Variants in ATPAF1 observed in about 807,000 individuals in gnomAD.
ATPAF1 encodes ATP synthase mitochondrial F1 complex assembly factor 1.
Under a neutral mutation model 43.9 loss-of-function variants are expected in ATPAF1, and 26 were observed. The ratio of observed to expected loss-of-function variants is 0.59; its 90% CI spans 0.43 to 0.82. The LOEUF is 0.82. Among genes scored for constraint, ATPAF1 ranks in the 40% least tolerant of loss-of-function variants. The pLI is 0.00. For synonymous variants in ATPAF1, 157 were observed against 168.0 expected, an observed-to-expected ratio of 0.93 and a Z score of 0.50; for missense variants, 366 against 435.0, an observed-to-expected ratio of 0.84 and a Z score of 1.41.
At chr1:46,640,491 T>G (rs1171439254) in intron 8 of ATPAF1, among the ~76,000 whole-genome samples, 1 of 152,112 alleles carries the variant, frequency 6.6e-6, no homozygotes. Flanking sequence ...ATGCCTGTAA[T>G]CTCAGCTACT....
chr1:46,665,769 C>T (rs1676480278), intron 1 of ATPAF1: 3 of 1,505,910 alleles, frequency 2.0e-6, no homozygotes, highest in Admixed American at 4.4e-5. Context: ...AAAATATGTC[C>T]CCCCAACCAG....
intron 2 of ATPAF1, chr1:46,663,933 A>G (rs1676444560): frequency 7.9e-7 from 1 of 1,273,556 alleles, no homozygotes; most frequent in Non-Finnish European, 1.0e-6. Context: ...CCTAGGTTAG[A>G]ATTTTTCAAA....
intron 4 of ATPAF1, among the ~76,000 whole-genome samples, chr1:46,654,527 AT>A (rs375698724): frequency 2.0e-3 from 170 of 85,182 alleles, no homozygotes; most frequent in African/African-American, 5.4e-3. Flanking sequence ...TTATTTATTT[AT>A]TTATTATTAT....
intron 4 of ATPAF1, among the ~76,000 whole-genome samples, chr1:46,655,722 C>G (rs895885265): frequency 6.6e-6 from 1 of 152,126 alleles, no homozygotes; most frequent in African/African-American, 2.4e-5. Context: ...AAGCCTCTCT[C>G]TCCTACCTCT....
rs1675978603 is a variant in ATPAF1 at position 46,643,136 on chromosome 1, G to C, written c.792+58C>G. The C allele has an allele frequency of 8.1e-6, 11 of 1,352,342 alleles. No homozygotes were observed. In the South Asian group the frequency reaches 1.3e-4, roughly 16 times the overall value. The allele number at this position is 1,352,342 out of a possible 1,614,324, so 83.8% of individuals were successfully genotyped here. Reference sequence around the variant, plus strand: ...TTCTCTCTCATGAGCTTTGGCAGAAGAGTAATACCTTCAGTGCCATGAGGT... The same window carrying C: ...TTCTCTCTCATGAGCTTTGGCAGAACAGTAATACCTTCAGTGCCATGAGGT... On this transcript the variant is annotated intron_variant, in intron 8 of 8. Coordinates refer to ENST00000574428, the Ensembl canonical transcript of ATPAF1.
intron 6 of ATPAF1, 157 bp downstream of exon 6, chr1:46,652,424 C>T: frequency 1.6e-6 from 1 of 622,494 alleles, no homozygotes. Context: ...GTAAACAGAG[C>T]ACTATAACTT....
At chr1:46,657,225 T>C (rs1176345359) in intron 4 of ATPAF1, among the ~76,000 whole-genome samples, 2 of 152,222 alleles carry the variant, frequency 1.3e-5, no homozygotes, top group African/African-American at 4.8e-5. Flanking sequence ...AGTATGCTGC[T>C]TTTATTATTA....
chr1:46,656,591 T>C (rs1676278019), intron 4 of ATPAF1, among the ~76,000 whole-genome samples: 1 of 152,244 alleles, frequency 6.6e-6, no homozygotes, highest in Non-Finnish European at 1.5e-5. Context: ...AGTTTATGAA[T>C]CAAAACTGAA....
chr1:46,663,031 T>C (rs758339944), intron 2 of ATPAF1, among the ~76,000 whole-genome samples: 14 of 151,730 alleles, frequency 9.2e-5, no homozygotes, highest in Non-Finnish European at 1.8e-4. Flanking sequence ...GAACATGCAG[T>C]GTTTGGTTTT....
chr1:46,635,863 C>T (rs1430419908), exon 9 of ATPAF1: 1 of 1,614,250 alleles, frequency 6.2e-7, no homozygotes, highest in Admixed American at 1.7e-5. Context: ...TATATTTGAA[C>T]TCATTTGGTC....
downstream of ATPAF1, chr1:46,633,469 A>T: frequency 3.1e-6 from 1 of 320,752 alleles, no homozygotes; most frequent in Non-Finnish European, 5.9e-6. Context: ...AACAGTATAG[A>T]GCTAATGAAT....
At chr1:46,651,153 C>T (rs1305484215) in intron 6 of ATPAF1, among the ~76,000 whole-genome samples, 3 of 151,964 alleles carry the variant, frequency 2.0e-5, no homozygotes, top group Non-Finnish European at 4.4e-5. Flanking sequence ...TCCCCACTCC[C>T]CCCACCCCAC....
intron 8 of ATPAF1, among the ~76,000 whole-genome samples, chr1:46,642,370 T>TG (rs760770240): frequency 6.6e-6 from 1 of 152,146 alleles, no homozygotes; most frequent in Non-Finnish European, 1.5e-5. Context: ...GTCCACTGTT[T>TG]GGGGACATTC....
chr1:46,648,716 G>A (rs975686924), intron 6 of ATPAF1, among the ~76,000 whole-genome samples: 1 of 151,994 alleles, frequency 6.6e-6, no homozygotes, highest in Non-Finnish European at 1.5e-5. Context: ...GGTGGCTCAT[G>A]CCTGTAATCT....
At chr1:46,665,526 G>C (rs1259221916) in intron 1 of ATPAF1, 162 bp from the exon 2 acceptor site, 5 of 1,213,562 alleles carry the variant, frequency 4.1e-6, no homozygotes, top group Non-Finnish European at 5.8e-6. Context: ...TAGAAATAAA[G>C]AAACTGGAAA....
intron 6 of ATPAF1, among the ~76,000 whole-genome samples, chr1:46,650,277 A>G (rs547090474): frequency 4.9e-4 from 74 of 151,826 alleles, no homozygotes; most frequent in African/African-American, 1.7e-3. Flanking sequence ...TAATCCCAGC[A>G]CTTCGGGAGT....
intron 4 of ATPAF1, among the ~76,000 whole-genome samples, chr1:46,656,410 A>G (rs1676274608): frequency 6.6e-6 from 1 of 152,186 alleles, no homozygotes; most frequent in South Asian, 2.1e-4. Flanking sequence ...TGATCCATCT[A>G]ATCAACACAG....
intron 6 of ATPAF1, among the ~76,000 whole-genome samples, chr1:46,650,822 A>C (rs1360730242): frequency 1.3e-5 from 2 of 152,050 alleles, no homozygotes; most frequent in African/African-American, 2.4e-5. Context: ...AAAAAAAAAA[A>C]AAACCTGATC....
intron 7 of ATPAF1, among the ~76,000 whole-genome samples, chr1:46,644,912 G>A (rs1676011620): frequency 6.6e-6 from 1 of 152,144 alleles, no homozygotes; most frequent in Non-Finnish European, 1.5e-5. Context: ...TACAACTAGA[G>A]GTCTGGGGAA....
Sources: allele counts gnomAD v4.1 joint callset (sites outside exome capture counted in the v4.1 genomes callset), GRCh38; gene constraint gnomAD v4.1.1; transcripts MANE v1.5; gene names NCBI Gene and HGNC (gene_info 2026-07-23, HGNC 2026-07-21).